Variants in JAK1 observed in about 807,000 individuals in gnomAD.
JAK1 encodes the protein tyrosine-protein kinase JAK1.
In JAK1, 16 loss-of-function variants were observed where a neutral mutation model predicts 136.6. That is an observed-to-expected ratio of 0.12 (90% CI 0.08 to 0.18). The LOEUF (loss-of-function observed/expected upper bound fraction) is 0.18. Among genes scored for constraint, JAK1 ranks in the 10% least tolerant of loss-of-function variants. JAK1 has a pLI of 1.00. For synonymous variants in JAK1, 492 were observed against 519.5 expected (o/e 0.95, Z 0.72); for missense variants, 859 against 1,450.1 (o/e 0.59, Z 6.62).
intron 2 of JAK1, among the ~76,000 whole-genome samples, chr1:65,005,636 G>A (rs1358856885): frequency 1.3e-5 from 2 of 152,152 alleles, no homozygotes; most frequent in African/African-American, 2.4e-5. Flanking sequence ...TTGTACACAT[G>A]TACTGAAATA....
intron 1 of JAK1, among the ~76,000 whole-genome samples, chr1:65,054,236 G>A (rs1291680949): frequency 1.3e-5 from 2 of 152,138 alleles, no homozygotes; most frequent in African/African-American, 2.4e-5. Flanking sequence ...AAAACTATTC[G>A]TGACAGACAG....
intron 1 of JAK1, among the ~76,000 whole-genome samples, chr1:64,935,893 G>A (rs927896248): frequency 1.3e-5 from 2 of 152,168 alleles, no homozygotes; most frequent in South Asian, 2.1e-4. Flanking sequence ...ATGCTGGAGG[G>A]CGAACTGACA....
chr1:65,013,027 C>T (rs1349142608), intron 2 of JAK1, among the ~76,000 whole-genome samples: 2 of 138,296 alleles, frequency 1.4e-5, no homozygotes, highest in African/African-American at 2.7e-5. Flanking sequence ...ACCTGGGAGG[C>T]GGAACTTGCA....
intron 2 of JAK1, among the ~76,000 whole-genome samples, chr1:65,027,771 GCATGGCAGTGGT>G (rs1479913712): frequency 1.3e-5 from 2 of 152,268 alleles, no homozygotes; most frequent in East Asian, 3.9e-4. Context: ...GTCCCACGTT[GCATGGCAGTGGT>G]CATGCCCTAG....
At chr1:65,000,097 TCTC>T (rs1355047333) in intron 2 of JAK1, among the ~76,000 whole-genome samples, 3 of 151,718 alleles carry the variant, frequency 2.0e-5, no homozygotes, top group Non-Finnish European at 4.4e-5. Context: ...TTCAAGCGAT[TCTC>T]CTCCCTCAGC....
intron 2 of JAK1, among the ~76,000 whole-genome samples, chr1:64,988,268 G>A (rs536296451): frequency 6.6e-6 from 1 of 152,194 alleles, no homozygotes; most frequent in African/African-American, 2.4e-5. Flanking sequence ...ATCCTAATTA[G>A]CCCTTCCCAT....
At chr1:64,925,301 A>C (rs1049170767) in intron 1 of JAK1, among the ~76,000 whole-genome samples, 2 of 151,914 alleles carry the variant, frequency 1.3e-5, no homozygotes, top group African/African-American at 4.8e-5. Flanking sequence ...CCAGCTACTT[A>C]GGAGTCTGAG....
At chr1:64,867,780 C>T (rs550246047) in intron 6 of JAK1, among the ~76,000 whole-genome samples, 5 of 152,202 alleles carry the variant, frequency 3.3e-5, no homozygotes, top group South Asian at 2.1e-4. Flanking sequence ...CATCTGAGGT[C>T]GGGAGTGAGA....
chr1:64,941,489 T>C (rs1645888853), intron 1 of JAK1, among the ~76,000 whole-genome samples: 1 of 152,170 alleles, frequency 6.6e-6, no homozygotes, highest in Admixed American at 6.5e-5. Context: ...CAATCAAATA[T>C]TTTAGGGACC....
intron 2 of JAK1, among the ~76,000 whole-genome samples, chr1:65,033,172 T>G (rs567333739): frequency 1.3e-5 from 2 of 152,278 alleles, no homozygotes; most frequent in African/African-American, 4.8e-5. Context: ...AAAGAGGCTA[T>G]GTTCCTGTTT....
rs1339740141 is a variant in JAK1 at position 64,879,114 on chromosome 1, C to T, written c.240G>A (p.Leu80=). 1.2e-6 allele frequency: 2 copies of T among 1,613,746 alleles called. No homozygotes were observed. The highest frequency in any genetic ancestry group is 1.7e-6 in the Non-Finnish European group (2 of 1,179,938). The change falls in exon 4 of 25, where the codon CTG becomes CTA. Residue 80 remains leucine, a synonymous_variant. Transcript: ENST00000342505. ...ISPLCHNLFA[L]YDENTKLWYA... ...ACCAGAGCTTGGTGTTCTCGTCATA[C>T]AGGGCAAAGAGGTTGTGACAAAGAG...
In JAK1 at chr1:64,928,597, C is replaced by T. The variant is rs1002447288; in HGVS notation, c.-78+37736G>A. 5.3e-5 allele frequency among the ~76,000 whole-genome samples: 8 copies of T among 151,880 alleles called. No individual in the cohort carries two copies. In the South Asian group the frequency reaches 1.2e-3, roughly 24 times the overall value. The stretch of plus-strand genomic sequence containing the variant: ...AATAGCTTAGAGGAGCATAAAGAGA[C>T]CCAAGAACTCTTCCTCTTGGCTTTC... On this transcript the variant is annotated intron_variant, in intron 1 of 24. Coordinates refer to ENST00000342505, the MANE Select transcript of JAK1 (RefSeq NM_002227.4).
chr1:65,035,731 A>G (rs528521023), intron 2 of JAK1, among the ~76,000 whole-genome samples: 1 of 152,284 alleles, frequency 6.6e-6, no homozygotes, highest in Non-Finnish European at 1.5e-5. Flanking sequence ...TCCAAAGGAC[A>G]GACCCAGGAA....
At chr1:64,923,561 C>G (rs1260953748) in intron 1 of JAK1, among the ~76,000 whole-genome samples, 1 of 152,148 alleles carries the variant, frequency 6.6e-6, no homozygotes, top group Non-Finnish European at 1.5e-5. Context: ...AAATTAGAGT[C>G]CCTCTGGCTA....
At chr1:64,963,494 A>G (rs1392733336) in intron 1 of JAK1, among the ~76,000 whole-genome samples, 1 of 152,200 alleles carries the variant, frequency 6.6e-6, no homozygotes, top group African/African-American at 2.4e-5. Context: ...AATGAATAAC[A>G]AAGAATTCGA....
At chr1:65,028,287 A>G (rs995851963) in intron 2 of JAK1, among the ~76,000 whole-genome samples, 6 of 152,064 alleles carry the variant, frequency 3.9e-5, no homozygotes, top group Non-Finnish European at 8.8e-5. Flanking sequence ...ATTTTTCTCC[A>G]TAGCACTTAC....
chr1:64,857,689 G>C lies in JAK1; in HGVS notation c.1425C>G (p.Ile475Met). The change falls in exon 10 of 25, where the codon ATC becomes ATG. Residue 475 changes from isoleucine to methionine, a missense_variant. Ile to Met is a conservative substitution (Grantham distance 10, BLOSUM62 1). This residue lies in a region of JAK1 where 409 missense variants were observed against 753.8 expected (regional missense o/e 0.54). Transcript: ENST00000342505. ...LRWSCTDFDN[I>M]LMTVTCFEKS... The stretch of plus-strand genomic sequence containing the variant: ...TCTCAAAGCAGGTGACGGTCATGAG[G>C]ATGTTGTCAAAGTCGGTGCAGCTCC... The C allele has an allele frequency of 6.2e-7, 1 of 1,614,204 alleles. No individual in the cohort carries two copies. Among genetic ancestry groups the C allele is most frequent in the South Asian group, 1.1e-5 (1 of 91,084 alleles).
At chr1:65,005,549 G>A (rs535778608) in intron 2 of JAK1, among the ~76,000 whole-genome samples, 4 of 152,214 alleles carry the variant, frequency 2.6e-5, no homozygotes, top group African/African-American at 4.8e-5. Context: ...AGAGAATTTT[G>A]AATGTTCACA....
rs1454416872 is a variant in JAK1, at chr1:64,855,557, C to T, written c.1600G>A (p.Asp534Asn). ...CGTTTTAGCATGAAGCTGATGTTAT[C>T]CGTGCGCAGGATCTGCTTCTTGAGG... is the stretch of plus-strand genomic sequence containing the variant. ...SHLKKQILRT[D>N]NISFMLKRCC... The change falls in exon 11 of 25, where the codon GAT becomes AAT. Residue 534 changes from aspartate to asparagine, a missense_variant. Asp to Asn is a conservative substitution (Grantham distance 23). Coordinates refer to ENST00000342505, the MANE Select transcript of JAK1 (RefSeq NM_002227.4). 5.6e-6 allele frequency: 9 copies of T among 1,614,042 alleles called. No individual in the cohort carries two copies. The highest frequency in any genetic ancestry group is 7.6e-6 in the Non-Finnish European group (9 of 1,180,024).
Sources: gnomAD v4.1 joint callset for allele counts (sites outside exome capture counted in the v4.1 genomes callset) on GRCh38, gnomAD v4.1.1 for gene constraint, gnomAD v4.1.1 regional missense constraint, MANE v1.5 for transcripts, NCBI Gene and HGNC (gene_info 2026-07-23, HGNC 2026-07-21) for gene names.